Variants in RASA2 observed in about 807,000 individuals in gnomAD.
The protein encoded by RASA2 is ras GTPase-activating protein 2.
RASA2 carries 155 observed loss-of-function variants against 118.2 expected under a neutral mutation model. The observed-to-expected ratio is 1.31, with a 90% confidence interval of 1.15 to 1.50. The LOEUF (loss-of-function observed/expected upper bound fraction) is 1.50, where lower values mean the gene tolerates loss of function less well. RASA2 is among the 40% of genes most tolerant of loss of function. The pLI, the probability that RASA2 is intolerant of heterozygous loss-of-function variation, is 0.00. For synonymous variants in RASA2, 353 were observed against 349.1 expected (o/e 1.01, Z -0.12); for missense variants, 1,016 against 1,009.6 (o/e 1.01, Z -0.09).
At chr3:141,564,768 A>G (rs959739818) in intron 9 of RASA2, among the ~76,000 whole-genome samples, 1 of 152,214 alleles carries the variant, frequency 6.6e-6, no homozygotes, top group East Asian at 1.9e-4. Flanking sequence ...TGACAAGCAC[A>G]TGGGGGTGGT....
chr3:141,489,917 A>C (rs964115662), intron 1 of RASA2, among the ~76,000 whole-genome samples: 4 of 152,036 alleles, frequency 2.6e-5, no homozygotes, highest in Non-Finnish European at 5.9e-5. Context: ...TGAGACCTCA[A>C]TATATATAAA....
chr3:141,538,672 C>T (rs1252461669), intron 4 of RASA2, among the ~76,000 whole-genome samples: 2 of 152,094 alleles, frequency 1.3e-5, no homozygotes, highest in African/African-American at 4.8e-5. Flanking sequence ...TCCACCCTAA[C>T]AGTATGTGTT....
chr3:141,530,378 T>A (rs886764278), intron 4 of RASA2, among the ~76,000 whole-genome samples: 2 of 152,132 alleles, frequency 1.3e-5, no homozygotes, highest in Non-Finnish European at 2.9e-5. Flanking sequence ...AGTAAAGATG[T>A]GTGTTTAGCC....
intron 17 of RASA2, among the ~76,000 whole-genome samples, chr3:141,581,987 A>G (rs567325583): frequency 9.6e-4 from 146 of 152,366 alleles, no homozygotes; most frequent in East Asian, 5.8e-4. Flanking sequence ...CATATAGTCT[A>G]GAAGTTAAGA....
At chr3:141,549,634 C>T (rs544106646) in intron 5 of RASA2, among the ~76,000 whole-genome samples, 5 of 152,248 alleles carry the variant, frequency 3.3e-5, no homozygotes, top group Admixed American at 3.3e-4. Context: ...ACTTGAAATA[C>T]AGCTAATGTG....
chr3:141,600,803 G>T (rs75381164), intron 19 of RASA2, among the ~76,000 whole-genome samples: 4,156 of 152,236 alleles, frequency 0.027, 221 homozygotes, highest in African/African-American at 0.09. Context: ...AAATGGACAA[G>T]TTGATTCCAG....
At chr3:141,499,499 A>G (rs1330477691) in intron 1 of RASA2, among the ~76,000 whole-genome samples, 2 of 152,170 alleles carry the variant, frequency 1.3e-5, no homozygotes, top group Non-Finnish European at 2.9e-5. Context: ...TCATATTCCT[A>G]GAGTCCTGTG....
intron 1 of RASA2, among the ~76,000 whole-genome samples, chr3:141,511,943 C>T (rs770451586): frequency 2.1e-4 from 32 of 151,766 alleles, no homozygotes; most frequent in Non-Finnish European, 1.8e-4. Flanking sequence ...GATGCAATTA[C>T]GTAATATAAA....
chr3:141,529,707 G>C lies in RASA2; in HGVS notation c.356-1G>C, dbSNP rs1466998078. ...TATATTGTTTTACTTATTTTCTGTA[G>C]GAAAAGTAGCCATCAAAAAAGAAGA... On this transcript the variant is annotated splice_acceptor_variant, in intron 3 of 23. Coordinates refer to ENST00000286364, the MANE Select transcript of RASA2 (RefSeq NM_006506.5). LOFTEE classifies it high-confidence loss of function. 2 of 1,605,088 alleles carry C rather than the reference G, an allele frequency of 1.2e-6. No individual in the cohort carries two copies. The highest frequency in any genetic ancestry group is 1.7e-6 in the Non-Finnish European group (2 of 1,172,904).
At chr3:141,543,968 C>T (rs1338667070) in intron 5 of RASA2, among the ~76,000 whole-genome samples, 6 of 150,702 alleles carry the variant, frequency 4.0e-5, no homozygotes, top group East Asian at 1.9e-4. Flanking sequence ...CTCTGCCTCC[C>T]GGATTCAAGC....
At chr3:141,596,822 A>G (rs1277827501) in intron 19 of RASA2, among the ~76,000 whole-genome samples, 2 of 152,222 alleles carry the variant, frequency 1.3e-5, no homozygotes, top group Non-Finnish European at 2.9e-5. Flanking sequence ...GTGGAGAAAC[A>G]GAAACCCTCA....
At chr3:141,548,433 TCC>T (rs144372939) in intron 5 of RASA2, among the ~76,000 whole-genome samples, 10,770 of 152,230 alleles carry the variant, frequency 0.071, 737 homozygotes, top group East Asian at 0.24. Flanking sequence ...CAGGAATTTA[TCC>T]ATTTCTTCTA....
At chr3:141,501,464 G>A (rs1222736722) in intron 1 of RASA2, among the ~76,000 whole-genome samples, 2 of 152,182 alleles carry the variant, frequency 1.3e-5, no homozygotes, top group South Asian at 2.1e-4. Context: ...TGTGCCAAGC[G>A]CTTTACCTTA....
chr3:141,597,189 T>C (rs2083387098), intron 19 of RASA2, among the ~76,000 whole-genome samples: 1 of 152,110 alleles, frequency 6.6e-6, no homozygotes, highest in Non-Finnish European at 1.5e-5. Context: ...TGACTTGAGC[T>C]CAGGGGTTTG....
intron 4 of RASA2, among the ~76,000 whole-genome samples, chr3:141,532,315 TA>T (rs939247221): frequency 2.6e-5 from 4 of 151,734 alleles, no homozygotes; most frequent in Non-Finnish European, 4.4e-5. Context: ...TATTAGTCAT[TA>T]AAAAAAATAG....
intron 19 of RASA2, among the ~76,000 whole-genome samples, chr3:141,602,687 C>T (rs1005356351): frequency 5.3e-5 from 8 of 152,150 alleles, no homozygotes; most frequent in Non-Finnish European, 1.0e-4. Flanking sequence ...TAGCTAGCTC[C>T]CTAGGGGGCC....
chr3:141,532,104 T>C (rs191608509), intron 4 of RASA2, among the ~76,000 whole-genome samples: 99 of 152,236 alleles, frequency 6.5e-4, no homozygotes, highest in Non-Finnish European at 1.1e-3. Context: ...AAGTACTTAA[T>C]GTCATTTAAC....
intron 1 of RASA2, among the ~76,000 whole-genome samples, chr3:141,502,827 C>T (rs2081803616): frequency 6.6e-6 from 1 of 152,110 alleles, no homozygotes; most frequent in South Asian, 2.1e-4. Context: ...GGGGATTAAT[C>T]CCACTGGGAC....
chr3:141,580,103 T>A (rs1241608964), intron 15 of RASA2, among the ~76,000 whole-genome samples: 99 of 130,764 alleles, frequency 7.6e-4, no homozygotes, highest in Non-Finnish European at 1.3e-3. Flanking sequence ...TATATATATA[T>A]ATATATATAT....
Sources: allele counts gnomAD v4.1 joint callset (sites outside exome capture counted in the v4.1 genomes callset), GRCh38; gene constraint gnomAD v4.1.1; transcripts MANE v1.5; gene names NCBI Gene and HGNC (gene_info 2026-07-23, HGNC 2026-07-21).